The following GRID2 variants were observed in gnomAD, a reference collection of about 807,000 sequenced individuals.
GRID2 encodes the protein glutamate ionotropic receptor delta type subunit 2.
GRID2 carries 33 observed loss-of-function variants against 114.8 expected under a neutral mutation model. The observed-to-expected ratio is 0.29, with a 90% CI of 0.22 to 0.38. The LOEUF (loss-of-function observed/expected upper bound fraction) is 0.38. Among genes scored for constraint, GRID2 ranks in the 10% least tolerant of loss-of-function variants. The pLI, the probability that GRID2 is intolerant of heterozygous loss-of-function variation, is 1.00. For missense variants in GRID2, 1,184 were observed against 1,257.7 expected, an observed-to-expected ratio of 0.94 and a Z score of 0.89; for synonymous variants, 505 against 449.9, an observed-to-expected ratio of 1.12 and a Z score of -1.55.
chr4:93,510,033 G>A (rs1001492176), intron 12 of GRID2, among the ~76,000 whole-genome samples: 2 of 152,082 alleles, frequency 1.3e-5, no homozygotes, highest in Non-Finnish European at 1.5e-5. Flanking sequence ...GAATAGGGGG[G>A]AACCTAAACT....
chr4:92,442,141 G>C (rs568171301), intron 1 of GRID2, among the ~76,000 whole-genome samples: 6 of 150,678 alleles, frequency 4.0e-5, no homozygotes, highest in Admixed American at 1.3e-4. Flanking sequence ...AGAAGGGGAC[G>C]GGCTTACCTT....
intron 4 of GRID2, among the ~76,000 whole-genome samples, chr4:93,153,110 T>A (rs1352670259): frequency 6.6e-6 from 1 of 152,102 alleles, no homozygotes; most frequent in Non-Finnish European, 1.5e-5. Flanking sequence ...CCTATTTAGA[T>A]AGGTGGAAAT....
In GRID2 at chr4:92,965,450, TAAAAAAAAAAAAAAA is replaced by T. The variant is rs869285420; in HGVS notation, c.245-119520_245-119506del. Among the ~76,000 whole-genome samples, 337 of 85,750 alleles carry T rather than the reference TAAAAAAAAAAAAAAA, an allele frequency of 3.9e-3. 3 individuals carry two copies. The highest frequency in any genetic ancestry group is 5.1e-3 in the Non-Finnish European group (214 of 41,800). The allele number at this position is 85,750 out of a possible 152,430, so 56.3% of individuals were successfully genotyped here. A position where few individuals can be genotyped will look rare whatever the true frequency, so the allele number is the denominator to read the frequency against. On this transcript the variant is annotated intron_variant, in intron 2 of 15. Coordinates refer to ENST00000282020, the MANE Select transcript of GRID2 (RefSeq NM_001510.4). ...AGGGTTGCCATAAACATTCAATTTG[TAAAAAAAAAAAAAAA>T]AAAAAAAAAAAAAAAAAAAAAAAAC...
chr4:93,280,157 G>C (rs1284729280), intron 8 of GRID2, among the ~76,000 whole-genome samples: 2 of 151,912 alleles, frequency 1.3e-5, no homozygotes, highest in Non-Finnish European at 2.9e-5. Context: ...TTGAGAGATA[G>C]AGAACAAACA....
At chr4:92,931,077 T>A (rs1216472135) in intron 2 of GRID2, among the ~76,000 whole-genome samples, 1 of 149,340 alleles carries the variant, frequency 6.7e-6, no homozygotes, top group African/African-American at 2.4e-5. Context: ...AAATTGCAGG[T>A]TTTTTACCAC....
intron 2 of GRID2, among the ~76,000 whole-genome samples, chr4:92,851,447 A>G (rs527648468): frequency 1.3e-5 from 2 of 151,972 alleles, no homozygotes; most frequent in Admixed American, 6.6e-5. Flanking sequence ...GTTATTTCTT[A>G]TCAGGATTAC....
At chr4:93,769,154 GA>G in intron 14 of GRID2, 55 bp from the exon 15 acceptor site, 1 of 1,585,832 alleles carries the variant, frequency 6.3e-7, no homozygotes, top group Non-Finnish European at 8.6e-7. Context: ...GATGTGTTGT[GA>G]ACCAGGGCGA....
chr4:93,526,083 T>C (rs1293913717), intron 13 of GRID2, among the ~76,000 whole-genome samples: 1 of 152,170 alleles, frequency 6.6e-6, no homozygotes, highest in Non-Finnish European at 1.5e-5. Flanking sequence ...TGTGTTCCCA[T>C]CCAAATCTCA....
intron 2 of GRID2, among the ~76,000 whole-genome samples, chr4:93,068,553 A>T (rs1374054695): frequency 6.6e-6 from 1 of 152,120 alleles, no homozygotes. Context: ...GATGTAATCA[A>T]TTATACAAGA....
At position 92,727,170 on chromosome 4, in the gene GRID2, A is replaced by G. The variant is rs1038155207; in HGVS notation, c.244+136884A>G. Among the ~76,000 whole-genome samples, 10 of 152,088 alleles carry G rather than the reference A, an allele frequency of 6.6e-5. No homozygotes were observed. The South Asian group carries it at 1.4e-3, about 22-fold the overall frequency. On this transcript the variant is annotated intron_variant, in intron 2 of 15. Transcript: ENST00000282020. ...GACATTCAGTCAACTAATGTTTATC[A>G]TGTACTTACTAAATGTGAAGTCATA...
chr4:93,807,698 A>G (rs150650316), exon 2 of GRID2: 1 of 152,224 alleles, frequency 6.6e-6, no homozygotes, highest in East Asian at 1.9e-4. Flanking sequence ...ACATTCATTT[A>G]TAATACCTCT....
At chr4:92,984,525 C>T (rs1382006621) in intron 2 of GRID2, among the ~76,000 whole-genome samples, 1 of 152,218 alleles carries the variant, frequency 6.6e-6, no homozygotes, top group East Asian at 1.9e-4. Flanking sequence ...AGCTAATACT[C>T]ATTTGGGTAC....
At chr4:92,601,320 A>G (rs1488608644) in intron 2 of GRID2, among the ~76,000 whole-genome samples, 1 of 152,226 alleles carries the variant, frequency 6.6e-6, no homozygotes, top group Non-Finnish European at 1.5e-5. Context: ...AGCTGAAATC[A>G]TAACAAACAA....
chr4:93,699,095 G>T (rs545746082), intron 14 of GRID2, among the ~76,000 whole-genome samples: 1 of 152,120 alleles, frequency 6.6e-6, no homozygotes, highest in South Asian at 2.1e-4. Flanking sequence ...ATCTGTTGCT[G>T]TTATAATTGT....
At chr4:92,921,537 C>A (rs1459835988) in intron 2 of GRID2, among the ~76,000 whole-genome samples, 3 of 152,064 alleles carry the variant, frequency 2.0e-5, no homozygotes, top group African/African-American at 7.2e-5. Flanking sequence ...TGTGGAAGTC[C>A]TTTCTGTTTG....
intron 14 of GRID2, among the ~76,000 whole-genome samples, chr4:93,673,585 C>T (rs1055691401): frequency 1.7e-4 from 26 of 152,092 alleles, no homozygotes; most frequent in Non-Finnish European, 2.9e-4. Flanking sequence ...TTTTATTCAT[C>T]ATTTATTGAC....
intron 3 of GRID2, among the ~76,000 whole-genome samples, chr4:93,106,611 C>T: frequency 6.6e-6 from 1 of 152,202 alleles, no homozygotes; most frequent in East Asian, 1.9e-4. Context: ...GCATGAGCCA[C>T]TGCACCCAGA....
intron 1 of GRID2, among the ~76,000 whole-genome samples, chr4:92,451,755 G>A (rs1720936080): frequency 6.6e-6 from 1 of 152,042 alleles, no homozygotes; most frequent in Non-Finnish European, 1.5e-5. Flanking sequence ...AAAACATTGA[G>A]CAATAATTCA....
At chr4:93,789,440 ATACTTGTTAT>A (rs1442601877) in intron 1 of GRID2, among the ~76,000 whole-genome samples, 1 of 152,184 alleles carries the variant, frequency 6.6e-6, no homozygotes, top group Non-Finnish European at 1.5e-5. Flanking sequence ...AATTCATAGA[ATACTTGTTAT>A]TACCTAATAT....
Sources: gnomAD v4.1 joint callset for allele counts (sites outside exome capture counted in the v4.1 genomes callset) on GRCh38, gnomAD v4.1.1 for gene constraint, MANE v1.5 for transcripts, NCBI Gene and HGNC (gene_info 2026-07-23, HGNC 2026-07-21) for gene names.